Variants in GRIK4 observed in about 807,000 individuals in gnomAD.
GRIK4 encodes glutamate ionotropic receptor kainate type subunit 4, also known as glutamate receptor ionotropic, kainate 4.
In GRIK4, 40 loss-of-function variants were observed where a neutral mutation model predicts 104.9. The observed-to-expected ratio is 0.38, with a 90% confidence interval of 0.30 to 0.50. The LOEUF is 0.50. Ranked by LOEUF, GRIK4 falls within the 20% of genes least tolerant of loss-of-function variation. The probability of loss-of-function intolerance (pLI) is 0.93; values close to 1 mark genes in which losing one functional copy is unlikely to be tolerated. For missense variants in GRIK4, 1,047 were observed against 1,308.1 expected (o/e 0.80, Z 3.08); for synonymous variants, 485 against 524.9 (o/e 0.92, Z 1.04).
intron 3 of GRIK4, among the ~76,000 whole-genome samples, chr11:120,746,047 A>G (rs1464162261): frequency 1.3e-5 from 2 of 152,064 alleles, no homozygotes; most frequent in Non-Finnish European, 2.9e-5. Flanking sequence ...AAATGGGACC[A>G]TCACAAATAC....
chr11:120,582,053 TGCC>T, intron 1 of GRIK4, among the ~76,000 whole-genome samples: 8 of 152,014 alleles, frequency 5.3e-5, no homozygotes, highest in African/African-American at 1.7e-4. Context: ...GTGATCTGCC[TGCC>T]TCAGCCTCCC....
rs1202706498 is a variant in GRIK4 at position 120,549,691 on chromosome 11, C to T, written c.-159+37804C>T. 1.3e-5 allele frequency among the ~76,000 whole-genome samples: 2 copies of T among 152,146 alleles called. No individual in the cohort carries two copies. The highest frequency in any genetic ancestry group is 4.8e-5 in the African/African-American group (2 of 41,430). On this transcript the variant is annotated intron_variant, in intron 1 of 20. Coordinates refer to ENST00000527524, the MANE Select transcript of GRIK4 (RefSeq NM_014619.5). The surrounding 1 kb of genome is among the most constrained non-coding windows in gnomAD (Gnocchi z 4.7). ...GCAGAGGCTGAGGGCGGGTCGTGGG[C>T]CCCTGGGAGATCTGGGGTGCAGAGA...
chr11:120,814,525 C>A (rs1037732681), intron 4 of GRIK4, among the ~76,000 whole-genome samples: 1 of 152,022 alleles, frequency 6.6e-6, no homozygotes, highest in Non-Finnish European at 1.5e-5. Context: ...ACCTGGGAGG[C>A]GGAGGTTGCA....
At chr11:120,849,667 A>G (rs977214036) in intron 8 of GRIK4, among the ~76,000 whole-genome samples, 1 of 152,242 alleles carries the variant, frequency 6.6e-6, no homozygotes, top group Admixed American at 6.5e-5. Flanking sequence ...AGTGAGGCTC[A>G]GAGATGTTCA....
intron 2 of GRIK4, among the ~76,000 whole-genome samples, chr11:120,659,007 C>T (rs1949767572): frequency 6.6e-6 from 1 of 151,930 alleles, no homozygotes; most frequent in Non-Finnish European, 1.5e-5. Flanking sequence ...CTTGGCCTCC[C>T]AAAGTGCTGG....
intron 1 of GRIK4, among the ~76,000 whole-genome samples, chr11:120,516,690 T>C (rs60854982): frequency 0.09 from 13,669 of 151,940 alleles, 880 homozygotes; most frequent in African/African-American, 0.17. Flanking sequence ...AATGACATTT[T>C]CAAGAACAGC....
intron 2 of GRIK4, among the ~76,000 whole-genome samples, chr11:120,659,729 A>T (rs1565278171): frequency 6.6e-6 from 1 of 152,110 alleles, no homozygotes; most frequent in East Asian, 1.9e-4. Context: ...TTAAGGGCAG[A>T]TGAGGGTTTT....
chr11:120,882,824 C>A (rs1955003759), intron 11 of GRIK4, among the ~76,000 whole-genome samples: 1 of 152,074 alleles, frequency 6.6e-6, no homozygotes, highest in African/African-American at 2.4e-5. Flanking sequence ...CCTTTGAGTC[C>A]CCTCGTCTGC....
rs1388478222 is a variant in GRIK4, at chr11:120,549,967, T to C, written c.-159+38080T>C. 2.0e-5 allele frequency among the ~76,000 whole-genome samples: 3 copies of C among 152,328 alleles called. No individual in the cohort carries two copies. Among genetic ancestry groups the C allele is most frequent in the African/African-American group, 4.8e-5 (2 of 41,582 alleles). On this transcript the variant is annotated intron_variant, in intron 1 of 20. Transcript: ENST00000527524. The surrounding 1 kb of genome is among the most constrained non-coding windows in gnomAD (Gnocchi z 4.7). ...ATTTAAGGCAGTTTGAGTTGCGTTT[T>C]CTGTCACTTGCAAGGGGTTTGGTTC...
intron 19 of GRIK4, among the ~76,000 whole-genome samples, chr11:120,970,002 C>A (rs1944448388): frequency 4.6e-5 from 7 of 152,148 alleles, no homozygotes; most frequent in Admixed American, 4.6e-4. Flanking sequence ...GACCCAGAAC[C>A]AGTATCATTT....
intron 1 of GRIK4, among the ~76,000 whole-genome samples, chr11:120,527,567 T>G (rs939857528): frequency 4.6e-5 from 7 of 152,154 alleles, no homozygotes; most frequent in African/African-American, 1.7e-4. Flanking sequence ...CCCCAGACAC[T>G]CGCACCTGCA....
chr11:120,727,600 C>A (rs1591839476), intron 3 of GRIK4, among the ~76,000 whole-genome samples: 1 of 152,074 alleles, frequency 6.6e-6, no homozygotes, highest in East Asian at 1.9e-4. Context: ...ACACCAGAAA[C>A]TCATGCTCAG....
chr11:120,924,281 T>C (rs1943291380), intron 13 of GRIK4, among the ~76,000 whole-genome samples: 1 of 151,872 alleles, frequency 6.6e-6, no homozygotes, highest in African/African-American at 2.4e-5. Flanking sequence ...CTCCCTTGCG[T>C]GTGTGAGGTC....
At chr11:120,813,442 G>A (rs1358062369) in intron 4 of GRIK4, among the ~76,000 whole-genome samples, 1 of 152,178 alleles carries the variant, frequency 6.6e-6, no homozygotes, top group Non-Finnish European at 1.5e-5. Flanking sequence ...CCCCATGGAA[G>A]TAGCTTGGAA....
chr11:120,923,049 G>T (rs896918011), intron 13 of GRIK4, among the ~76,000 whole-genome samples: 6 of 152,232 alleles, frequency 3.9e-5, no homozygotes, highest in Non-Finnish European at 8.8e-5. Context: ...TGTCCTAGGT[G>T]GCGACAGAAC....
chr11:120,982,240 G>GGT lies in GRIK4; in HGVS notation c.2514+17_2514+18dup. 7.4e-7 allele frequency: 1 copy of GGT among 1,354,378 alleles called. No homozygotes were observed. The highest frequency in any genetic ancestry group is 1.1e-6 in the Non-Finnish European group (1 of 942,788). 83.9% of individuals were successfully genotyped at this position (1,354,378 alleles called of 1,614,324 possible). A position where few individuals can be genotyped will look rare whatever the true frequency, so the allele number is the denominator to read the frequency against. ...AGCAACTGAGGTAAACTTTCAAAGGGGTATGATCGATCGTGTTGGCAGATG... is the reference window on the plus strand; with the variant it reads ...AGCAACTGAGGTAAACTTTCAAAGGGGTGTATGATCGATCGTGTTGGCAGATG... On this transcript the variant is annotated intron_variant, in intron 20 of 20. Transcript: ENST00000527524.
chr11:120,846,402 T>C (rs1342327726), intron 8 of GRIK4, among the ~76,000 whole-genome samples: 1 of 152,178 alleles, frequency 6.6e-6, no homozygotes, highest in Admixed American at 6.5e-5. Flanking sequence ...ATGTGAGGTG[T>C]GGCAGCCCAG....
At chr11:120,793,026 A>C (rs1467752202) in intron 3 of GRIK4, among the ~76,000 whole-genome samples, 1 of 152,190 alleles carries the variant, frequency 6.6e-6, no homozygotes, top group Non-Finnish European at 1.5e-5. Flanking sequence ...GAAGCCAAGG[A>C]GGTTGATTAA....
intron 13 of GRIK4, among the ~76,000 whole-genome samples, chr11:120,910,414 C>G (rs1395846210): frequency 6.6e-6 from 1 of 152,168 alleles, no homozygotes; most frequent in African/African-American, 2.4e-5. Flanking sequence ...AGTTGGGTGG[C>G]CTCTCACCCT....
Sources: gnomAD v4.1 joint callset for allele counts (sites outside exome capture counted in the v4.1 genomes callset) on GRCh38, gnomAD v4.1.1 for gene constraint, Gnocchi (gnomAD v3.1) non-coding constraint, MANE v1.5 for transcripts, NCBI Gene and HGNC (gene_info 2026-07-23, HGNC 2026-07-21) for gene names.